Variants in KALRN observed in about 807,000 individuals in gnomAD.
KALRN encodes kalirin RhoGEF kinase, also known as kalirin.
KALRN carries 70 observed loss-of-function variants against 353.7 expected under a neutral mutation model. The ratio of observed to expected loss-of-function variants is 0.20; its 90% CI spans 0.16 to 0.24. The LOEUF (loss-of-function observed/expected upper bound fraction) is 0.24, where lower values mean the gene tolerates loss of function less well. KALRN is among the 10% of genes least tolerant of loss of function. KALRN has a pLI of 1.00. For missense variants in KALRN, 2,791 were observed against 3,756.7 expected (o/e 0.74, Z 6.72); for synonymous variants, 1,391 against 1,434.8 (o/e 0.97, Z 0.69).
At position 124,368,085 on chromosome 3, in the gene KALRN, G is replaced by A. The variant is rs1442081179; in HGVS notation, c.1771-16760G>A. ...TCCCGGACGGGGCGGCTGGCCAGGC[G>A]GGGGGCTGACCCCCCCACCTCCCTC... On this transcript the variant is annotated intron_variant, in intron 10 of 59. Coordinates refer to ENST00000682506, the MANE Select transcript of KALRN (RefSeq NM_001388419.1). Among the ~76,000 whole-genome samples, 17 of 57,030 alleles carry A rather than the reference G, an allele frequency of 3.0e-4. 3 individuals are homozygous for A. The South Asian group carries it at 0.012, about 40-fold the overall frequency. 37.4% of individuals were successfully genotyped at this position (57,030 alleles called of 152,430 possible). A position where few individuals can be genotyped will look rare whatever the true frequency, so the allele number is the denominator to read the frequency against.
At chr3:124,685,126 G>T (rs1029185334) in intron 51 of KALRN, among the ~76,000 whole-genome samples, 1 of 152,158 alleles carries the variant, frequency 6.6e-6, no homozygotes, top group Non-Finnish European at 1.5e-5. Context: ...TTCATGAAAA[G>T]AACCCTTTGG....
intron 9 of KALRN, 140 bp from the exon 10 acceptor site, chr3:124,347,003 A>T (rs1161737467): frequency 8.1e-7 from 1 of 1,227,734 alleles, no homozygotes; most frequent in Non-Finnish European, 1.2e-6. Flanking sequence ...CTCACAGCAG[A>T]TTGACCATTT....
At chr3:124,390,057 C>T (rs1156612203) in intron 11 of KALRN, among the ~76,000 whole-genome samples, 1 of 152,116 alleles carries the variant, frequency 6.6e-6, no homozygotes, top group African/African-American at 2.4e-5. Context: ...ATTCTTTTTG[C>T]CTGGGGCCAA....
At position 124,036,986 on chromosome 3, in the gene KALRN, G is replaced by T. The variant is rs139668765; in HGVS notation, c.73+3173G>T. The stretch of plus-strand genomic sequence containing the variant: ...ATTCTAGATTGGTAGACTCCAGATT[G>T]TCTTCTTGGGAATTCTCTGTTCCAA... On this transcript the variant is annotated intron_variant, in intron 1 of 59. Transcript: ENST00000682506. 2.0e-4 allele frequency among the ~76,000 whole-genome samples: 30 copies of T among 152,288 alleles called. No homozygotes were observed. In the East Asian group the frequency reaches 5.6e-3, roughly 28 times the overall value.
intron 35 of KALRN, among the ~76,000 whole-genome samples, chr3:124,633,488 G>C (rs1328310318): frequency 6.6e-6 from 1 of 152,190 alleles, no homozygotes; most frequent in Non-Finnish European, 1.5e-5. Flanking sequence ...TCTCCCTCTG[G>C]AAATGGCAGC....
In KALRN at chr3:124,719,237, G is replaced by T. The variant is rs146977122; in HGVS notation, c.8728G>T (p.Ala2910Ser). 6.8e-6 allele frequency: 11 copies of T among 1,614,106 alleles called. No individual in the cohort carries two copies. Among genetic ancestry groups the T allele is most frequent in the Non-Finnish European group, 8.5e-6 (10 of 1,180,050 alleles). The stretch of plus-strand genomic sequence containing the variant: ...TGAATACTTCTGTGGTGTGAGCAAT[G>T]CTGCCAGAGATTTCATCAATGTGAT... ...PHEYFCGVSN[A>S]ARDFINVILQ... Residue 2910 changes from alanine (A) to serine (S), a missense_variant, in exon 60 of 60, where the codon GCT becomes TCT. By Grantham distance (99) the Ala-to-Ser change is moderately conservative. Transcript: ENST00000682506. This position sits in a 1 kb window ranked among gnomAD's most constrained non-coding sequence, Gnocchi z 5.3.
At chr3:124,381,495 C>T (rs1242660253) in intron 10 of KALRN, among the ~76,000 whole-genome samples, 1 of 152,148 alleles carries the variant, frequency 6.6e-6, no homozygotes, top group African/African-American at 2.4e-5. Context: ...ATTTTAGAAA[C>T]TCTTTTCTAC....
chr3:124,591,153 T>C (rs2075731314), intron 34 of KALRN, among the ~76,000 whole-genome samples: 1 of 152,256 alleles, frequency 6.6e-6, no homozygotes, highest in African/African-American at 2.4e-5. Context: ...GGGACTCTTC[T>C]GTCCCAAAAC....
intron 1 of KALRN, among the ~76,000 whole-genome samples, chr3:124,198,876 G>T (rs566534652): frequency 6.6e-6 from 1 of 152,156 alleles, no homozygotes; most frequent in Non-Finnish European, 1.5e-5. Flanking sequence ...CAGGAATGAG[G>T]GATCCAGAGC....
chr3:124,313,415 A>G (rs974251146), intron 6 of KALRN, among the ~76,000 whole-genome samples: 2 of 152,234 alleles, frequency 1.3e-5, no homozygotes, highest in Non-Finnish European at 2.9e-5. Flanking sequence ...ATCAAGTTGA[A>G]CAGGATACAG....
intron 6 of KALRN, among the ~76,000 whole-genome samples, chr3:124,324,797 A>G (rs1404019240): frequency 6.6e-6 from 1 of 152,226 alleles, no homozygotes; most frequent in African/African-American, 2.4e-5. Context: ...ACCTTCATTA[A>G]ACCTACTCAG....
At chr3:124,046,599 C>T (rs1188985235) in intron 1 of KALRN, among the ~76,000 whole-genome samples, 1 of 152,212 alleles carries the variant, frequency 6.6e-6, no homozygotes, top group Non-Finnish European at 1.5e-5. Context: ...CTGACTCTTG[C>T]TCAGCCCTGG....
In KALRN at chr3:124,670,865, A is replaced by C. The variant is rs146994491; in HGVS notation, c.6704-795A>C. Among the ~76,000 whole-genome samples the C allele has an allele frequency of 1.6e-3, 241 of 152,186 alleles. 3 individuals are homozygous for C. The highest frequency in any genetic ancestry group is 5.8e-3 in the African/African-American group (240 of 41,516). ...CATCAGCTTATTCTCCTGTCTTCTG[A>C]GTTCCACTGACTGCCATCCTCCGAG... On this transcript the variant is annotated intron_variant, in intron 47 of 59. Coordinates refer to ENST00000682506, the MANE Select transcript of KALRN (RefSeq NM_001388419.1).
intron 5 of KALRN, among the ~76,000 whole-genome samples, chr3:124,277,738 T>C (rs1365088014): frequency 6.6e-6 from 1 of 152,174 alleles, no homozygotes; most frequent in Non-Finnish European, 1.5e-5. Flanking sequence ...TGCTCAGGCA[T>C]GAGGCTTGGC....
chr3:124,709,018 T>C (rs563569658), intron 57 of KALRN, among the ~76,000 whole-genome samples: 1 of 152,280 alleles, frequency 6.6e-6, no homozygotes, highest in South Asian at 2.1e-4. Context: ...CCAAGAATTC[T>C]AAATCTAGCA....
At chr3:124,135,798 G>A (rs2065856651) in intron 1 of KALRN, among the ~76,000 whole-genome samples, 1 of 152,122 alleles carries the variant, frequency 6.6e-6, no homozygotes, top group Admixed American at 6.5e-5. Flanking sequence ...CAGCAGCCCA[G>A]CTGCTCAACT....
At chr3:124,395,523 A>C (rs186635069) in intron 12 of KALRN, 180 bp downstream of exon 12, 19 of 555,662 alleles carry the variant, frequency 3.4e-5, no homozygotes, top group Middle Eastern at 4.6e-4. Flanking sequence ...TAAAATAGTA[A>C]ATGGAAAAGC....
chr3:124,610,466 A>T (rs960577256), intron 34 of KALRN, among the ~76,000 whole-genome samples: 1 of 151,984 alleles, frequency 6.6e-6, no homozygotes, highest in African/African-American at 2.4e-5. Context: ...CTCTGGGGGG[A>T]CAAGGGGTTG....
At chr3:124,371,362 C>G (rs2085810565) in intron 10 of KALRN, among the ~76,000 whole-genome samples, 1 of 152,176 alleles carries the variant, frequency 6.6e-6, no homozygotes, top group Non-Finnish European at 1.5e-5. Flanking sequence ...GAGTTCATAT[C>G]TCGACTACTG....
Sources: gnomAD v4.1 joint callset for allele counts (sites outside exome capture counted in the v4.1 genomes callset) on GRCh38, gnomAD v4.1.1 for gene constraint, Gnocchi (gnomAD v3.1) non-coding constraint, MANE v1.5 for transcripts, NCBI Gene and HGNC (gene_info 2026-07-23, HGNC 2026-07-21) for gene names.